MAP7: variants seen among roughly 807,000 people sequenced by gnomAD.
MAP7 encodes the protein microtubule associated protein 7, also known as ensconsin.
Under a neutral mutation model 94.8 loss-of-function variants are expected in MAP7, and 52 were observed. The ratio of observed to expected loss-of-function variants is 0.55; its 90% CI spans 0.44 to 0.69. The LOEUF (loss-of-function observed/expected upper bound fraction) is 0.69. MAP7 is among the 30% of genes least tolerant of loss of function. The pLI is 0.00. For missense variants in MAP7, 940 were observed against 964.6 expected, an observed-to-expected ratio of 0.97 and a Z score of 0.34; for synonymous variants, 350 against 357.0, an observed-to-expected ratio of 0.98 and a Z score of 0.22.
intron 1 of MAP7, among the ~76,000 whole-genome samples, chr6:136,521,927 C>A (rs1368955951): frequency 6.6e-6 from 1 of 152,186 alleles, no homozygotes; most frequent in Non-Finnish European, 1.5e-5. Flanking sequence ...TATACTCTTG[C>A]ATTATTTGTA....
chr6:136,453,696 A>C (rs985528437), intron 1 of MAP7, among the ~76,000 whole-genome samples: 2 of 152,208 alleles, frequency 1.3e-5, no homozygotes, highest in Admixed American at 1.3e-4. Flanking sequence ...AATTTTGATA[A>C]TTTAATTTGG....
chr6:136,381,375 C>T (rs1005813262), intron 6 of MAP7, among the ~76,000 whole-genome samples: 9 of 151,836 alleles, frequency 5.9e-5, no homozygotes, highest in African/African-American at 1.9e-4. Flanking sequence ...GATGGGGTTT[C>T]GCGATGGTGC....
At chr6:136,415,089 G>T (rs896027732) in intron 2 of MAP7, among the ~76,000 whole-genome samples, 1 of 152,044 alleles carries the variant, frequency 6.6e-6, no homozygotes, top group Non-Finnish European at 1.5e-5. Flanking sequence ...ACAAGCGTGA[G>T]CCACCATGCC....
intron 1 of MAP7, among the ~76,000 whole-genome samples, chr6:136,513,737 A>T (rs532675388): frequency 6.6e-6 from 1 of 152,176 alleles, no homozygotes; most frequent in South Asian, 2.1e-4. Context: ...CCAGAGATCC[A>T]TTCCTTGTCT....
intron 4 of MAP7, 24 bp downstream of exon 4, chr6:136,389,330 T>A: frequency 2.6e-6 from 4 of 1,519,522 alleles, no homozygotes; most frequent in Non-Finnish European, 3.5e-6. Context: ...GAGCCACTCA[T>A]ATTCTTCCCG....
Position 136,411,617 on chromosome 6 carries a change from T to C in MAP7, c.244+3A>G, listed in dbSNP as rs778129237. The C allele has an allele frequency of 4.5e-5, 70 of 1,557,632 alleles. No individual in the cohort carries two copies. In the East Asian group the frequency reaches 1.7e-3, roughly 37 times the overall value. ...AGGGCCATGGACACGGGGCCTGGGG[T>C]ACCTAGCTGTTTCTCCCGTTCCTCA... is the stretch of plus-strand genomic sequence containing the variant. On this transcript the variant is annotated splice_donor_region_variant and intron_variant, in intron 3 of 17. Transcript: ENST00000354570.
rs1474214999 is a variant in MAP7, at chr6:136,479,642, T to C, written c.68-57843A>G. Among the ~76,000 whole-genome samples the C allele has an allele frequency of 2.6e-5, 4 of 152,156 alleles. No individual in the cohort carries two copies. The East Asian group carries it at 7.7e-4, about 29-fold the overall frequency. ...GTTACCAAAATACTATTATAACTGA[T>C]AAACAAATTTAGTAAAGTTGCAGGA... is the stretch of plus-strand genomic sequence containing the variant. On this transcript the variant is annotated intron_variant, in intron 1 of 17. Transcript: ENST00000354570.
At chr6:136,415,280 G>A (rs1219007116) in intron 2 of MAP7, among the ~76,000 whole-genome samples, 2 of 152,140 alleles carry the variant, frequency 1.3e-5, no homozygotes, top group Admixed American at 1.3e-4. Flanking sequence ...TATAAAAGTT[G>A]AAAATCAACT....
intron 3 of MAP7, among the ~76,000 whole-genome samples, chr6:136,396,466 G>A (rs1782519675): frequency 6.6e-6 from 1 of 151,856 alleles, no homozygotes; most frequent in South Asian, 2.1e-4. Context: ...AAGCTTTTAG[G>A]GGTTTTTATA....
At chr6:136,346,146 A>G in intron 16 of MAP7, 67 bp from the exon 17 acceptor site, 1 of 910,264 alleles carries the variant, frequency 1.1e-6, no homozygotes, top group Non-Finnish European at 1.7e-6. Flanking sequence ...ATTATTAGGA[A>G]AACCAAAATG....
intron 3 of MAP7, among the ~76,000 whole-genome samples, chr6:136,389,983 C>T (rs1780245439): frequency 6.6e-6 from 1 of 152,092 alleles, no homozygotes; most frequent in Admixed American, 6.5e-5. Context: ...GTCTGAAGTG[C>T]CTTACAGGTC....
intron 1 of MAP7, among the ~76,000 whole-genome samples, chr6:136,450,237 T>C (rs1299844507): frequency 1.3e-5 from 2 of 152,174 alleles, no homozygotes; most frequent in Non-Finnish European, 2.9e-5. Flanking sequence ...TTTATCCTTT[T>C]CACCAACACA....
chr6:136,437,803 G>A (rs1346515786), intron 1 of MAP7, among the ~76,000 whole-genome samples: 1 of 152,022 alleles, frequency 6.6e-6, no homozygotes, highest in Non-Finnish European at 1.5e-5. Context: ...TTACCAAAAA[G>A]CTTAGGCTGA....
At chr6:136,459,472 G>A (rs1011332990) in intron 1 of MAP7, among the ~76,000 whole-genome samples, 1 of 152,090 alleles carries the variant, frequency 6.6e-6, no homozygotes, top group Non-Finnish European at 1.5e-5. Context: ...ACTTACTGCA[G>A]CATTATGTAC....
At chr6:136,401,927 C>T (rs1281951165) in intron 3 of MAP7, among the ~76,000 whole-genome samples, 1 of 152,084 alleles carries the variant, frequency 6.6e-6, no homozygotes, top group Non-Finnish European at 1.5e-5. Context: ...AGTCTTTAAC[C>T]ACTTCAAATC....
intron 1 of MAP7, among the ~76,000 whole-genome samples, chr6:136,454,716 G>A (rs1802321726): frequency 1.3e-5 from 2 of 151,974 alleles, no homozygotes; most frequent in Non-Finnish European, 2.9e-5. Context: ...ATCAGCCTGG[G>A]CAACACGGCA....
intron 1 of MAP7, among the ~76,000 whole-genome samples, chr6:136,491,168 A>T (rs1367503815): frequency 1.1e-4 from 17 of 152,202 alleles, no homozygotes; most frequent in Non-Finnish European, 1.5e-5. Flanking sequence ...CATTTTTTTA[A>T]TTAAAAAATG....
intron 2 of MAP7, chr6:136,420,410 G>T: frequency 1.9e-6 from 1 of 522,304 alleles, no homozygotes; most frequent in Admixed American, 3.4e-5. Flanking sequence ...TCAGCTACCA[G>T]GTCCACTTCT....
intron 1 of MAP7, among the ~76,000 whole-genome samples, chr6:136,522,922 C>T (rs1321657092): frequency 6.6e-6 from 1 of 152,034 alleles, no homozygotes; most frequent in African/African-American, 2.4e-5. Context: ...GTAATTCCAG[C>T]TATTAAGGAG....
Sources: allele counts gnomAD v4.1 joint callset (sites outside exome capture counted in the v4.1 genomes callset), GRCh38; gene constraint gnomAD v4.1.1; transcripts MANE v1.5; gene names NCBI Gene and HGNC (gene_info 2026-07-23, HGNC 2026-07-21).